Variants in MGAT5B observed in about 807,000 individuals in gnomAD.
The protein encoded by MGAT5B is alpha-1,6-mannosylglycoprotein 6-beta-N-acetylglucosaminyltransferase B.
MGAT5B carries 54 observed loss-of-function variants against 95.1 expected under a neutral mutation model. That is an observed-to-expected ratio of 0.57 (90% confidence interval 0.46 to 0.71). MGAT5B has a LOEUF of 0.71. Ranked by LOEUF, MGAT5B falls within the 30% of genes least tolerant of loss-of-function variation. MGAT5B has a pLI of 0.00. For synonymous variants in MGAT5B, 464 were observed against 451.0 expected, an observed-to-expected ratio of 1.03 and a Z score of -0.36; for missense variants, 935 against 1,088.6, an observed-to-expected ratio of 0.86 and a Z score of 1.99.
intron 8 of MGAT5B, among the ~76,000 whole-genome samples, chr17:76,911,741 C>A (rs1227244548): frequency 2.0e-5 from 3 of 152,184 alleles, no homozygotes; most frequent in Non-Finnish European, 2.9e-5. Flanking sequence ...CAGGCCTTTC[C>A]TCACAGTGGA....
intron 1 of MGAT5B, among the ~76,000 whole-genome samples, chr17:76,872,262 G>A (rs1161960636): frequency 6.6e-6 from 1 of 152,126 alleles, no homozygotes; most frequent in East Asian, 1.9e-4. Flanking sequence ...AGTGGAGGGG[G>A]GTGTTCAAAC....
intron 2 of MGAT5B, among the ~76,000 whole-genome samples, chr17:76,878,116 C>T (rs1034164458): frequency 5.9e-5 from 9 of 152,102 alleles, no homozygotes; most frequent in African/African-American, 7.2e-5. Flanking sequence ...CTGACAGTCC[C>T]GGGGCCAGTG....
rs1174826800 is a variant in MGAT5B at position 76,906,960 on chromosome 17, C to T, written c.1025+773C>T. 6.6e-6 allele frequency among the ~76,000 whole-genome samples: 1 copy of T among 152,068 alleles called. No homozygotes were observed. Among genetic ancestry groups the T allele is most frequent in the African/African-American group, 2.4e-5 (1 of 41,396 alleles). Reference sequence around the variant, plus strand: ...CATCCATTTAAGATCATGCTGTCACCAAGGACTCTGGGTTTGCCTGAGAGT... The same window carrying T: ...CATCCATTTAAGATCATGCTGTCACTAAGGACTCTGGGTTTGCCTGAGAGT... On this transcript the variant is annotated intron_variant, in intron 8 of 17. Coordinates refer to ENST00000569840, the MANE Select transcript of MGAT5B (RefSeq NM_001199172.2). The surrounding 1 kb of genome is among the most constrained non-coding windows in gnomAD (Gnocchi z 4.6).
chr17:76,878,073 G>A (rs1405607351), intron 2 of MGAT5B, among the ~76,000 whole-genome samples: 1 of 152,202 alleles, frequency 6.6e-6, no homozygotes, highest in African/African-American at 2.4e-5. Context: ...GAGTGGTGAA[G>A]TGACTCTGGG....
At chr17:76,924,804 A>C (rs553746445) in intron 8 of MGAT5B, among the ~76,000 whole-genome samples, 162 bp from the exon 9 acceptor site, 37 of 152,154 alleles carry the variant, frequency 2.4e-4, no homozygotes, top group Admixed American at 7.9e-4. Context: ...TGCAGTGAAA[A>C]ACCTACGTTA....
chr17:76,873,086 A>AG (rs1332063883), intron 2 of MGAT5B, 123 bp downstream of exon 2: 1 of 1,085,354 alleles, frequency 9.2e-7, no homozygotes, highest in Non-Finnish European at 1.3e-6. Context: ...ATGTGAGTGG[A>AG]GGGGGCCTGG....
chr17:76,913,211 C>T (rs1429752734), intron 8 of MGAT5B, among the ~76,000 whole-genome samples: 1 of 152,170 alleles, frequency 6.6e-6, no homozygotes, highest in African/African-American at 2.4e-5. Context: ...GGGAGGATCC[C>T]CAGAGAATGA....
At chr17:76,874,112 G>C (rs1225682269) in intron 2 of MGAT5B, among the ~76,000 whole-genome samples, 3 of 152,148 alleles carry the variant, frequency 2.0e-5, no homozygotes, top group African/African-American at 7.2e-5. Flanking sequence ...AAGCCTGAGT[G>C]TAAGTTAATT....
intron 10 of MGAT5B, 46 bp from the exon 11 acceptor site, chr17:76,932,599 C>A (rs1165926951): frequency 1.2e-6 from 2 of 1,610,308 alleles, no homozygotes; most frequent in Non-Finnish European, 1.7e-6. Context: ...TGGGGCTGCC[C>A]TTGGTTGTTT....
chr17:76,927,877 G>A (rs11655146), intron 10 of MGAT5B, among the ~76,000 whole-genome samples: 78,458 of 152,168 alleles, frequency 0.52, 20,673 homozygotes, highest in Non-Finnish European at 0.58. Flanking sequence ...GATTGCATCT[G>A]TTAAAGTAAG....
Position 76,940,640 on chromosome 17 carries a change from A to G in MGAT5B, c.1731+92A>G. On this transcript the variant is annotated intron_variant, in intron 14 of 17. Transcript: ENST00000569840. This position sits in a 1 kb window ranked among gnomAD's most constrained non-coding sequence, Gnocchi z 4.3. ...AGAGGCAGACTGAGATGTGGGGCAA[A>G]AGGAGATAGGACAAGTGTATGGGGT... The G allele has an allele frequency of 6.3e-7, 1 of 1,586,938 alleles. No individual in the cohort carries two copies. Among genetic ancestry groups the G allele is most frequent in the Non-Finnish European group, 8.6e-7 (1 of 1,162,946 alleles).
In MGAT5B at chr17:76,918,263, C is replaced by T. The variant is rs1969010032; in HGVS notation, c.1026-6703C>T. Among the ~76,000 whole-genome samples, 1 of 152,170 alleles carries T rather than the reference C, an allele frequency of 6.6e-6. No homozygotes were observed. Among genetic ancestry groups the T allele is most frequent in the Non-Finnish European group, 1.5e-5 (1 of 68,038 alleles). On this transcript the variant is annotated intron_variant, in intron 8 of 17. Coordinates refer to ENST00000569840, the MANE Select transcript of MGAT5B (RefSeq NM_001199172.2). The surrounding 1 kb of genome is among the most constrained non-coding windows in gnomAD (Gnocchi z 5.1). ...GTGGTAGCTTCGGCTAAAGAGCACC[C>T]AGACTGTGCCTCCATCTGCCTTTGG...
chr17:76,896,205 G>A (rs1384491330), intron 3 of MGAT5B, among the ~76,000 whole-genome samples: 9 of 152,184 alleles, frequency 5.9e-5, no homozygotes, highest in African/African-American at 2.2e-4. Flanking sequence ...ATCTACTTTT[G>A]TTGTCACTTT....
rs773776997 is a variant in MGAT5B, at chr17:76,872,882, C to T, written c.100C>T (p.Leu34Phe). The T allele has an allele frequency of 1.2e-6, 2 of 1,614,228 alleles. No individual in the cohort carries two copies. Among genetic ancestry groups the T allele is most frequent in the Non-Finnish European group, 1.7e-6 (2 of 1,180,048 alleles). Residue 34 changes from leucine to phenylalanine, a missense_variant, in exon 2 of 18, where the codon CTC becomes TTC. Leu to Phe is a conservative substitution (Grantham distance 22). Transcript: ENST00000569840. ...TGTCCTGGGCATCGGCTTCTTCACT[C>T]TCTGCTTCCTGATGACGTCTCTGGG... ...LFVLGIGFFT[L>F]CFLMTSLGGQ...
intron 8 of MGAT5B, among the ~76,000 whole-genome samples, chr17:76,921,353 C>G (rs558525087): frequency 4.6e-5 from 7 of 152,348 alleles, no homozygotes; most frequent in African/African-American, 9.6e-5. Flanking sequence ...CCTTCTCCCC[C>G]ATCCGTTAAT....
chr17:76,929,306 G>C (rs76979951), intron 10 of MGAT5B, among the ~76,000 whole-genome samples: 3,026 of 152,284 alleles, frequency 0.02, 103 homozygotes, highest in African/African-American at 0.07. Context: ...ACTTGTCCCA[G>C]GGTGGAGCCC....
intron 12 of MGAT5B, among the ~76,000 whole-genome samples, chr17:76,937,004 G>GTT (rs11306769): frequency 0.02 from 2,879 of 142,494 alleles, 41 homozygotes; most frequent in South Asian, 0.046. Context: ...GGATTTCAAT[G>GTT]TTTTTTTTTT....
At chr17:76,948,450 T>C (rs1246340617) in intron 17 of MGAT5B, among the ~76,000 whole-genome samples, 190 bp from the exon 18 acceptor site, 4 of 152,188 alleles carry the variant, frequency 2.6e-5, no homozygotes, top group Non-Finnish European at 5.9e-5. Context: ...CAGGCCCCTC[T>C]CTTCTCCAGG....
In MGAT5B at chr17:76,950,034, C is replaced by T. The variant is rs1443848508; in HGVS notation, c.*1196C>T. 7 of 152,822 alleles carry T rather than the reference C, an allele frequency of 4.6e-5. No homozygotes were observed. Among genetic ancestry groups the T allele is most frequent in the South Asian group, 4.1e-4 (2 of 4,820 alleles). 9.5% of individuals were successfully genotyped at this position (152,822 alleles called of 1,614,324 possible). ...TCCCTCCCCCCCATGCCCAGAGCCC[C>T]GCCTGCCTCAGCGGGTCAGGCCTTC... is the stretch of plus-strand genomic sequence containing the variant. On this transcript the variant is annotated 3_prime_UTR_variant, in exon 18 of 18. Coordinates refer to ENST00000569840, the MANE Select transcript of MGAT5B (RefSeq NM_001199172.2).
Sources: gnomAD v4.1 joint callset for allele counts (sites outside exome capture counted in the v4.1 genomes callset) on GRCh38, gnomAD v4.1.1 for gene constraint, Gnocchi (gnomAD v3.1) non-coding constraint, MANE v1.5 for transcripts, NCBI Gene and HGNC (gene_info 2026-07-23, HGNC 2026-07-21) for gene names.